The following QDPR variants were observed in gnomAD, a reference collection of about 807,000 sequenced individuals.
The protein encoded by QDPR is quinoid dihydropteridine reductase.
Under a neutral mutation model 31.7 loss-of-function variants are expected in QDPR, and 23 were observed. That is an observed-to-expected ratio of 0.73 (90% CI 0.52 to 1.03). QDPR has a LOEUF of 1.03. QDPR is among the 50% of genes least tolerant of loss of function. QDPR has a pLI of 0.00. For synonymous variants in QDPR, 124 were observed against 124.7 expected, an observed-to-expected ratio of 0.99 and a Z score of 0.03; for missense variants, 324 against 323.8, an observed-to-expected ratio of 1.00 and a Z score of 0.00.
rs186282747 is a variant in QDPR at position 17,507,793 on chromosome 4, G to A, written c.198+1478C>T. On this transcript the variant is annotated intron_variant, in intron 2 of 6. Transcript: ENST00000281243. ...TAATTTTTGTATTTTTAGTAGAGAC[G>A]GGGTTTCACCATGTTGGCCAGGATG... is the stretch of plus-strand genomic sequence containing the variant. 3.2e-3 allele frequency among the ~76,000 whole-genome samples: 491 copies of A among 151,982 alleles called. 3 individuals carry two copies. The highest frequency in any genetic ancestry group is 0.011 in the African/African-American group (466 of 41,448).
At chr4:17,487,570 C>T (rs1441302848) in intron 6 of QDPR, among the ~76,000 whole-genome samples, 2 of 152,058 alleles carry the variant, frequency 1.3e-5, no homozygotes, top group Non-Finnish European at 2.9e-5. Flanking sequence ...CACTTGCACC[C>T]GGGAAGCAGA....
At chr4:17,499,355 A>T (rs1041526767) in intron 4 of QDPR, among the ~76,000 whole-genome samples, 1 of 152,226 alleles carries the variant, frequency 6.6e-6, no homozygotes, top group African/African-American at 2.4e-5. Flanking sequence ...CTCTTCTGTC[A>T]TTTAGAAAAA....
At chr4:17,489,813 G>A (rs1321881387) in intron 6 of QDPR, among the ~76,000 whole-genome samples, 1 of 152,126 alleles carries the variant, frequency 6.6e-6, no homozygotes, top group African/African-American at 2.4e-5. Context: ...GTGACATCAG[G>A]CCAGAAGCAC....
At chr4:17,499,784 G>GCAGT (rs1718494618) in intron 4 of QDPR, among the ~76,000 whole-genome samples, 1 of 152,134 alleles carries the variant, frequency 6.6e-6, no homozygotes, top group Non-Finnish European at 1.5e-5. Context: ...GCCAGGCATG[G>GCAGT]CAGTGTGTGT....
intron 4 of QDPR, among the ~76,000 whole-genome samples, chr4:17,494,867 T>C (rs915167491): frequency 2.6e-5 from 4 of 152,146 alleles, no homozygotes; most frequent in African/African-American, 9.7e-5. Context: ...GTGGGAGTGG[T>C]AACTCAGATC....
At chr4:17,502,910 T>C (rs931533436) in intron 3 of QDPR, among the ~76,000 whole-genome samples, 4 of 152,224 alleles carry the variant, frequency 2.6e-5, no homozygotes, top group Admixed American at 2.6e-4. Flanking sequence ...AGTACCTTTA[T>C]AATGGAAGTC....
At chr4:17,505,714 A>G (rs1718764525) in intron 2 of QDPR, among the ~76,000 whole-genome samples, 1 of 152,200 alleles carries the variant, frequency 6.6e-6, no homozygotes, top group Non-Finnish European at 1.5e-5. Context: ...AAAAAGACTT[A>G]AATCAACACC....
intron 6 of QDPR, 78 bp downstream of exon 6, chr4:17,490,584 G>A (rs1718124560): frequency 8.1e-7 from 1 of 1,235,284 alleles, no homozygotes; most frequent in Non-Finnish European, 1.2e-6. Context: ...AGGGAACACA[G>A]ACTTGTCCTC....
intron 1 of QDPR, among the ~76,000 whole-genome samples, chr4:17,510,707 C>T (rs1013224942): frequency 8.5e-5 from 13 of 152,300 alleles, no homozygotes; most frequent in East Asian, 3.9e-4. Flanking sequence ...TAACACATGA[C>T]GCTAACAGGA....
chr4:17,501,501 C>T (rs1718559524), intron 4 of QDPR, among the ~76,000 whole-genome samples: 1 of 151,996 alleles, frequency 6.6e-6, no homozygotes, highest in South Asian at 2.1e-4. Flanking sequence ...CAGATCATAG[C>T]GTTCCTTACC....
chr4:17,505,694 G>GT (rs1173644748), intron 2 of QDPR, among the ~76,000 whole-genome samples: 2 of 151,990 alleles, frequency 1.3e-5, no homozygotes, highest in African/African-American at 2.4e-5. Flanking sequence ...TCTACATTTA[G>GT]TTTTTTTTAA....
Position 17,512,034 on chromosome 4 carries a change from T to TGCAGCC in QDPR, c.15_20dup (p.Ala6_Ala7dup), listed in dbSNP as rs754379613. ...ACACCAGCACCCGGCGCGCCTCGCC[T>TGCAGCC]GCAGCCGCCGCCGCCGCCATCCTGC... On this transcript the variant is annotated inframe_insertion, in exon 1 of 7. Transcript: ENST00000281243. 2 of 1,603,558 alleles carry TGCAGCC rather than the reference T, an allele frequency of 1.2e-6. No homozygotes were observed. Among genetic ancestry groups the TGCAGCC allele is most frequent in the Non-Finnish European group, 1.7e-6 (2 of 1,176,284 alleles).
intron 3 of QDPR, among the ~76,000 whole-genome samples, chr4:17,502,946 T>G (rs1392282250): frequency 6.6e-6 from 1 of 152,176 alleles, no homozygotes; most frequent in Non-Finnish European, 1.5e-5. Flanking sequence ...CAACCAAGCA[T>G]CAAATTTGGC....
chr4:17,505,198 T>C (rs1458030542), intron 2 of QDPR, among the ~76,000 whole-genome samples: 1 of 151,844 alleles, frequency 6.6e-6, no homozygotes, highest in Non-Finnish European at 1.5e-5. Context: ...ATGGCTGAGA[T>C]GACAAATCCC....
At position 17,487,062 on chromosome 4, in the gene QDPR, T is replaced by A; in HGVS notation, c.*69A>T. The stretch of plus-strand genomic sequence containing the variant: ...ACAGGGGTTACAGAAAACACAAGGC[T>A]GGACAAGGCCACACTGAGACAGGTT... On this transcript the variant is annotated 3_prime_UTR_variant, in exon 7 of 7. Transcript: ENST00000281243. 8.0e-7 allele frequency: 1 copy of A among 1,255,908 alleles called. No homozygotes were observed. Among genetic ancestry groups the A allele is most frequent in the South Asian group, 1.2e-5 (1 of 83,566 alleles). 77.8% of individuals were successfully genotyped at this position (1,255,908 alleles called of 1,614,324 possible).
chr4:17,492,916 C>G (rs773749962), intron 4 of QDPR, among the ~76,000 whole-genome samples: 3 of 152,106 alleles, frequency 2.0e-5, no homozygotes, highest in Non-Finnish European at 2.9e-5. Context: ...ACCTGGCACA[C>G]AGAGGTACTC....
rs2305315 is a variant in QDPR, at chr4:17,492,550, A to G, written c.437-210T>C. On this transcript the variant is annotated intron_variant, in intron 4 of 6. Transcript: ENST00000281243. ...GGGGATGGGAACACGTGGGTTGGGA[A>G]TTATGGCCTCTGGCCAGTTTCCAAG... 0.084 allele frequency: 50,001 copies of G among 596,522 alleles called. 6,489 individuals are homozygous for G. The highest frequency in any genetic ancestry group is 0.48 in the East Asian group (16,718 of 34,990). 37.0% of individuals were successfully genotyped at this position (596,522 alleles called of 1,614,324 possible). A position where few individuals can be genotyped will look rare whatever the true frequency, so the allele number is the denominator to read the frequency against.
intron 4 of QDPR, among the ~76,000 whole-genome samples, chr4:17,492,801 G>A (rs909021640): frequency 6.6e-6 from 1 of 152,212 alleles, no homozygotes; most frequent in Non-Finnish European, 1.5e-5. Flanking sequence ...GACAGGTTGA[G>A]TACATGCCAG....
At chr4:17,489,254 G>T (rs1291841394) in intron 6 of QDPR, among the ~76,000 whole-genome samples, 2 of 152,158 alleles carry the variant, frequency 1.3e-5, no homozygotes, top group Non-Finnish European at 1.5e-5. Context: ...CCACAAATGG[G>T]TGGATGTGAT....
Sources: gnomAD v4.1 joint callset for allele counts (sites outside exome capture counted in the v4.1 genomes callset) on GRCh38, gnomAD v4.1.1 for gene constraint, MANE v1.5 for transcripts, NCBI Gene and HGNC (gene_info 2026-07-23, HGNC 2026-07-21) for gene names.